The following FAM53B variants were observed in gnomAD, a reference collection of about 807,000 sequenced individuals.
FAM53B encodes protein FAM53B.
In FAM53B, 12 loss-of-function variants were observed where a neutral mutation model predicts 32.7. The ratio of observed to expected loss-of-function variants is 0.37; its 90% CI spans 0.24 to 0.59. The LOEUF (loss-of-function observed/expected upper bound fraction) is 0.59, where lower values mean the gene tolerates loss of function less well. FAM53B is among the 20% of genes least tolerant of loss of function. The pLI is 0.72. For missense variants in FAM53B, 477 were observed against 577.7 expected (o/e 0.83, Z 1.79); for synonymous variants, 234 against 228.7 (o/e 1.02, Z -0.21).
intron 4 of FAM53B, among the ~76,000 whole-genome samples, chr10:124,642,366 G>A (rs139423581): frequency 8.0e-4 from 122 of 152,346 alleles, no homozygotes; most frequent in African/African-American, 2.7e-3. Context: ...ACGCCTCTCC[G>A]GTGGTTGTGA....
intron 1 of FAM53B, among the ~76,000 whole-genome samples, chr10:124,721,735 C>G (rs1403127578): frequency 1.3e-5 from 2 of 152,218 alleles, no homozygotes; most frequent in Non-Finnish European, 2.9e-5. Flanking sequence ...TGCCTGTGTC[C>G]TCGTGCGGTT....
intron 3 of FAM53B, among the ~76,000 whole-genome samples, chr10:124,686,117 C>T (rs184856331): frequency 1.8e-4 from 27 of 152,326 alleles, no homozygotes; most frequent in African/African-American, 6.3e-4. Context: ...CTCCCCCCAG[C>T]TTTGTGTAGA....
chr10:124,641,184 G>A (rs1380347539), intron 4 of FAM53B, among the ~76,000 whole-genome samples: 1 of 152,156 alleles, frequency 6.6e-6, no homozygotes, highest in Non-Finnish European at 1.5e-5. Context: ...TCCCTTAAAG[G>A]TAAATGCTCA....
chr10:124,651,293 G>C lies in FAM53B; in HGVS notation c.907-27689C>G, dbSNP rs555592785. 3.0e-3 allele frequency among the ~76,000 whole-genome samples: 463 copies of C among 152,320 alleles called. 2 individuals carry two copies. The highest frequency in any genetic ancestry group is 0.01 in the African/African-American group (434 of 41,572). On this transcript the variant is annotated intron_variant, in intron 4 of 4. Transcript: ENST00000337318. The surrounding 1 kb of genome is among the most constrained non-coding windows in gnomAD (Gnocchi z 5.2). ...CCCAGGGCCCTAACTCAGTTCCCTC[G>C]TGTTCCATTTCCCTCTGCACCTTCC...
intron 2 of FAM53B, among the ~76,000 whole-genome samples, chr10:124,699,067 T>A (rs919867627): frequency 6.6e-6 from 1 of 152,264 alleles, no homozygotes; most frequent in Non-Finnish European, 1.5e-5. Context: ...CTCAGTGGCC[T>A]TGCCGGACCA....
At chr10:124,685,260 CTA>C (rs1406054235) in intron 3 of FAM53B, among the ~76,000 whole-genome samples, 1 of 152,184 alleles carries the variant, frequency 6.6e-6, no homozygotes, top group African/African-American at 2.4e-5. Context: ...TTTTGTTCTT[CTA>C]TAGTCTCCAA....
chr10:124,686,646 C>T (rs1949804810), intron 3 of FAM53B, among the ~76,000 whole-genome samples: 1 of 152,260 alleles, frequency 6.6e-6, no homozygotes, highest in South Asian at 2.1e-4. Flanking sequence ...TACTTCTCCT[C>T]CTAAGCCACA....
chr10:124,627,846 C>T (rs777373067), intron 4 of FAM53B, among the ~76,000 whole-genome samples: 63 of 152,220 alleles, frequency 4.1e-4, no homozygotes, highest in Non-Finnish European at 5.0e-4. Flanking sequence ...GGAGCAATGA[C>T]CCCTCTTCTG....
At chr10:124,634,530 G>A (rs1014711261) in intron 4 of FAM53B, among the ~76,000 whole-genome samples, 8 of 152,206 alleles carry the variant, frequency 5.3e-5, no homozygotes, top group African/African-American at 1.4e-4. Context: ...GGTTTTATAA[G>A]GGGCTTTGTT....
Position 124,734,372 on chromosome 10 carries a change from G to A in FAM53B, c.-175+9641C>T, listed in dbSNP as rs1024603324. On this transcript the variant is annotated intron_variant, in intron 1 of 4. Coordinates refer to ENST00000337318, the MANE Select transcript of FAM53B (RefSeq NM_014661.4). ...CACTGAGCCTGGGGGCCACCACCATGGCAGGTATGTTTTGTGCTCATCACA... is the reference window on the plus strand; with the variant it reads ...CACTGAGCCTGGGGGCCACCACCATAGCAGGTATGTTTTGTGCTCATCACA... Among the ~76,000 whole-genome samples, 10 of 152,312 alleles carry A rather than the reference G, an allele frequency of 6.6e-5. No homozygotes were observed. In the South Asian group the frequency reaches 1.7e-3, roughly 25 times the overall value.
chr10:124,698,000 C>A (rs569567470), intron 2 of FAM53B, among the ~76,000 whole-genome samples: 6 of 152,318 alleles, frequency 3.9e-5, no homozygotes, highest in Admixed American at 1.3e-4. Flanking sequence ...GGATGACAAG[C>A]GCATGAGAGC....
chr10:124,676,532 T>C (rs547194407), intron 4 of FAM53B, among the ~76,000 whole-genome samples: 2 of 152,282 alleles, frequency 1.3e-5, no homozygotes, highest in South Asian at 2.1e-4. Flanking sequence ...CAAGAAGTCA[T>C]GTAGCCAACC....
At chr10:124,637,108 G>A (rs1357977037) in intron 4 of FAM53B, among the ~76,000 whole-genome samples, 1 of 152,142 alleles carries the variant, frequency 6.6e-6, no homozygotes, top group Non-Finnish European at 1.5e-5. Flanking sequence ...TGCCCTTTCT[G>A]ACAAAATGCT....
intron 1 of FAM53B, among the ~76,000 whole-genome samples, chr10:124,743,143 G>A (rs1950209159): frequency 6.7e-6 from 1 of 149,052 alleles, no homozygotes; most frequent in Non-Finnish European, 1.5e-5. Context: ...TGGGGGCTGG[G>A]GGACAAGGTG....
chr10:124,729,792 A>G (rs1352009747), intron 1 of FAM53B, among the ~76,000 whole-genome samples: 1 of 152,206 alleles, frequency 6.6e-6, no homozygotes, highest in Non-Finnish European at 1.5e-5. Flanking sequence ...GTCTATCAGC[A>G]TGCACAAATG....
chr10:124,632,216 G>C (rs918295658), intron 4 of FAM53B, among the ~76,000 whole-genome samples: 1 of 152,264 alleles, frequency 6.6e-6, no homozygotes, highest in Non-Finnish European at 1.5e-5. Flanking sequence ...TGGCCTGCCC[G>C]AACACAGAAG....
At chr10:124,654,630 T>C (rs569324464) in intron 4 of FAM53B, among the ~76,000 whole-genome samples, 104 of 152,304 alleles carry the variant, frequency 6.8e-4, no homozygotes, top group Non-Finnish European at 1.4e-3. Context: ...TCCAGGCATG[T>C]GCCAGGGTCC....
intron 4 of FAM53B, among the ~76,000 whole-genome samples, chr10:124,639,874 C>A (rs1343602383): frequency 1.3e-5 from 2 of 152,036 alleles, no homozygotes; most frequent in African/African-American, 4.8e-5. Context: ...CTCTGCCAGC[C>A]TCCTTTTACA....
At chr10:124,662,932 T>A (rs1390416793) in intron 4 of FAM53B, among the ~76,000 whole-genome samples, 1 of 152,202 alleles carries the variant, frequency 6.6e-6, no homozygotes, top group Non-Finnish European at 1.5e-5. Flanking sequence ...CACCACTGCT[T>A]GGTCACCGCA....
Sources: gnomAD v4.1 joint callset for allele counts (sites outside exome capture counted in the v4.1 genomes callset) on GRCh38, gnomAD v4.1.1 for gene constraint, Gnocchi (gnomAD v3.1) non-coding constraint, MANE v1.5 for transcripts, NCBI Gene and HGNC (gene_info 2026-07-23, HGNC 2026-07-21) for gene names.